DMD: variants seen among roughly 807,000 people sequenced by gnomAD.
DMD encodes mutant dystrophin.
DMD carries 63 observed loss-of-function variants against 330.1 expected under a neutral mutation model. That is an observed-to-expected ratio of 0.19 (90% confidence interval 0.16 to 0.24). The LOEUF (loss-of-function observed/expected upper bound fraction) is 0.24, where lower values mean the gene tolerates loss of function less well. Among genes scored for constraint, DMD ranks in the 10% least tolerant of loss-of-function variants. DMD has a pLI of 1.00. For missense variants in DMD, 3,344 were observed against 2,684.1 expected, an observed-to-expected ratio of 1.25 and a Z score of -5.43; for synonymous variants, 1,223 against 959.8, an observed-to-expected ratio of 1.27 and a Z score of -5.07.
intron 1 of DMD, among the ~76,000 whole-genome samples, chrX:33,102,325 T>G (rs1232658845): frequency 9.1e-6 from 1 of 109,826 alleles, no homozygotes; most frequent in East Asian, 2.8e-4. Context: ...TGTTTTTTTT[T>G]TTTTTTAAGT....
chrX:32,872,510 C>G (rs1306453250), intron 2 of DMD, among the ~76,000 whole-genome samples: 1 of 112,336 alleles, frequency 8.9e-6, no homozygotes, highest in African/African-American at 3.2e-5. Flanking sequence ...CTGGAGCTTA[C>G]TGTCTCAAGA....
chrX:31,715,220 T>TG (rs79807469), intron 52 of DMD, among the ~76,000 whole-genome samples: 15 of 77,741 alleles, frequency 1.9e-4, no homozygotes, highest in Middle Eastern at 0.015. Context: ...TGGGGGTTGG[T>TG]GGGGGGGGAG....
chrX:31,462,270 A>G (rs1051553526), intron 59 of DMD, among the ~76,000 whole-genome samples: 8 of 111,166 alleles, frequency 7.2e-5, no homozygotes, highest in African/African-American at 2.6e-4. Context: ...ACCTGAGGTC[A>G]GGAGTTCAAG....
intron 44 of DMD, among the ~76,000 whole-genome samples, chrX:32,042,038 T>C (rs1377265214): frequency 2.7e-5 from 2 of 75,389 alleles, no homozygotes; most frequent in African/African-American, 5.8e-5. Flanking sequence ...TATATATATA[T>C]ATATATATAT....
intron 1 of DMD, among the ~76,000 whole-genome samples, chrX:33,263,226 C>T (rs1287333884): frequency 9.1e-6 from 1 of 110,098 alleles, no homozygotes; most frequent in Non-Finnish European, 1.9e-5. Flanking sequence ...AATGAATATA[C>T]ATGACCTATC....
At chrX:33,337,558 A>G (rs2054272447) in intron 1 of DMD, among the ~76,000 whole-genome samples, 1 of 111,924 alleles carries the variant, frequency 8.9e-6, no homozygotes, top group Non-Finnish European at 1.9e-5. Flanking sequence ...TGCTAAAATG[A>G]TACATCTAGA....
intron 55 of DMD, among the ~76,000 whole-genome samples, chrX:31,591,609 AT>A (rs1312197315): frequency 9.0e-6 from 1 of 111,432 alleles, no homozygotes; most frequent in East Asian, 2.8e-4. Flanking sequence ...AATAATCTGA[AT>A]TTTTGATCAT....
At chrX:31,951,159 G>GTGTATATA (rs2095169670) in intron 45 of DMD, among the ~76,000 whole-genome samples, 4 of 71,701 alleles carry the variant, frequency 5.6e-5, no homozygotes, top group African/African-American at 2.2e-4. Flanking sequence ...ATATATATAT[G>GTGTATATA]TATATATATA....
chrX:32,054,086 TGTGAGA>T (rs1314322707), intron 44 of DMD, among the ~76,000 whole-genome samples: 5,255 of 78,118 alleles, frequency 0.067, 187 homozygotes, highest in African/African-American at 0.11. Context: ...TGTGTGTGTG[TGTGAGA>T]GAGAGAGAGA....
chrX:32,382,584 G>T (rs1303410623), intron 33 of DMD, among the ~76,000 whole-genome samples: 2 of 104,147 alleles, frequency 1.9e-5, no homozygotes, highest in African/African-American at 6.9e-5. Flanking sequence ...TGCTGAGGCT[G>T]TAAATTCATT....
intron 1 of DMD, among the ~76,000 whole-genome samples, chrX:33,108,693 T>C: frequency 9.5e-6 from 1 of 105,005 alleles, no homozygotes; most frequent in Admixed American, 1.0e-4. Flanking sequence ...CTGGCCAACA[T>C]GGTGAAACCT....
intron 13 of DMD, among the ~76,000 whole-genome samples, chrX:32,590,159 A>G (rs1601940343): frequency 8.9e-6 from 1 of 112,282 alleles, no homozygotes; most frequent in Non-Finnish European, 1.9e-5. Context: ...GTTGGTTTAC[A>G]TGACTCAATT....
chrX:32,411,932 A>C lies in DMD; in HGVS notation c.4072-19T>G, dbSNP rs749647782. 7 of 1,205,879 alleles carry C rather than the reference A, an allele frequency of 5.8e-6. No homozygotes were observed. Among genetic ancestry groups the C allele is most frequent in the Middle Eastern group, 2.3e-4 (1 of 4,367 alleles). ...TTACAGCCTAAAAAGAAGGAATAAGAGTGTATCAGTTAAATGTTTACTCTT... is the reference window on the plus strand; with the variant it reads ...TTACAGCCTAAAAAGAAGGAATAAGCGTGTATCAGTTAAATGTTTACTCTT... On this transcript the variant is annotated intron_variant, in intron 29 of 78. Coordinates refer to ENST00000357033, the MANE Select transcript of DMD (RefSeq NM_004006.3).
intron 47 of DMD, among the ~76,000 whole-genome samples, chrX:31,882,838 T>C (rs1395751644): frequency 8.9e-6 from 1 of 111,933 alleles, no homozygotes; most frequent in Non-Finnish European, 1.9e-5. Context: ...ATACATACTC[T>C]TGATGAATAT....
At chrX:32,768,924 A>T (rs1020840816) in intron 7 of DMD, among the ~76,000 whole-genome samples, 4 of 111,917 alleles carry the variant, frequency 3.6e-5, no homozygotes, top group Non-Finnish European at 5.6e-5. Context: ...TACATGTTTC[A>T]TGAGCACACA....
At chrX:32,135,555 T>A (rs1401206507) in intron 44 of DMD, among the ~76,000 whole-genome samples, 1 of 109,645 alleles carries the variant, frequency 9.1e-6, no homozygotes, top group African/African-American at 3.3e-5. Context: ...ACACCATCTC[T>A]AAAAAAAAAT....
At chrX:32,721,502 T>C (rs1383316239) in intron 7 of DMD, among the ~76,000 whole-genome samples, 1 of 109,958 alleles carries the variant, frequency 9.1e-6, no homozygotes, top group Non-Finnish European at 1.9e-5. Context: ...GCACATCTTC[T>C]TTGAAAAAAA....
At chrX:31,392,301 A>T (rs892021006) in intron 60 of DMD, among the ~76,000 whole-genome samples, 17 of 112,978 alleles carry the variant, frequency 1.5e-4, no homozygotes, top group Non-Finnish European at 3.2e-4. Flanking sequence ...ATGGAAAGAC[A>T]TTGGATTCTG....
chrX:31,943,466 C>T (rs768819197), intron 45 of DMD, among the ~76,000 whole-genome samples: 20 of 111,842 alleles, frequency 1.8e-4, no homozygotes, highest in South Asian at 3.7e-4. Context: ...TTTAAATTCA[C>T]GAACATTTCC....
Sources: allele counts gnomAD v4.1 joint callset (sites outside exome capture counted in the v4.1 genomes callset), GRCh38; gene constraint gnomAD v4.1.1; transcripts MANE v1.5; gene names NCBI Gene and HGNC (gene_info 2026-07-23, HGNC 2026-07-21).